Variants in MAOB observed in about 807,000 individuals in gnomAD.
MAOB encodes amine oxidase [flavin-containing] B.
A neutral mutation model predicts 41.9 loss-of-function variants in MAOB; 15 were observed. The observed-to-expected ratio is 0.36, with a 90% CI of 0.24 to 0.55. The LOEUF is 0.55. MAOB is among the 20% of genes least tolerant of loss of function. The probability of loss-of-function intolerance (pLI) is 0.86; values close to 1 mark genes in which losing one functional copy is unlikely to be tolerated. For missense variants in MAOB, 345 were observed against 398.7 expected, an observed-to-expected ratio of 0.87 and a Z score of 1.15; for synonymous variants, 167 against 144.2, an observed-to-expected ratio of 1.16 and a Z score of -1.13.
chrX:43,797,098 T>C, intron 6 of MAOB, 27 bp downstream of exon 6: 1 of 1,187,367 alleles, frequency 8.4e-7, no homozygotes, highest in Non-Finnish European at 1.1e-6. Flanking sequence ...GTTTTTCCAT[T>C]GGGACTGTGG....
At chrX:43,822,673 C>T (rs1027155524) in intron 3 of MAOB, among the ~76,000 whole-genome samples, 9 of 112,090 alleles carry the variant, frequency 8.0e-5, no homozygotes, top group African/African-American at 2.9e-4. Context: ...CAATTATTTT[C>T]AGGAGGAAAA....
chrX:43,865,179 A>T (rs531859002), intron 1 of MAOB, among the ~76,000 whole-genome samples: 2 of 112,427 alleles, frequency 1.8e-5, no homozygotes, highest in South Asian at 3.7e-4. Context: ...AAGATAAACA[A>T]ATTATGGCAC....
chrX:43,856,840 G>A (rs1051513460), intron 1 of MAOB, among the ~76,000 whole-genome samples: 9 of 108,388 alleles, frequency 8.3e-5, no homozygotes, highest in Non-Finnish European at 1.7e-4. Flanking sequence ...CCCCAAGGGT[G>A]ACAGAGACAG....
intron 5 of MAOB, among the ~76,000 whole-genome samples, chrX:43,801,720 T>A (rs1351168968): frequency 2.7e-5 from 3 of 113,004 alleles, no homozygotes; most frequent in African/African-American, 9.6e-5. Context: ...TTGTGACCTA[T>A]CTACACAAAG....
At chrX:43,850,658 C>T (rs2035243730) in intron 1 of MAOB, among the ~76,000 whole-genome samples, 2 of 111,981 alleles carry the variant, frequency 1.8e-5, no homozygotes, top group Non-Finnish European at 3.8e-5. Flanking sequence ...AAATAGACTC[C>T]AAGCCTTCTC....
intron 3 of MAOB, among the ~76,000 whole-genome samples, chrX:43,815,505 A>G (rs1037426083): frequency 2.7e-4 from 30 of 111,863 alleles, no homozygotes; most frequent in African/African-American, 9.4e-4. Context: ...ACAATATTAG[A>G]GATTATAAGA....
chrX:43,804,924 G>A (rs2034643413), intron 3 of MAOB, among the ~76,000 whole-genome samples: 1 of 111,879 alleles, frequency 8.9e-6, no homozygotes, highest in African/African-American at 3.2e-5. Flanking sequence ...AAAATTAACT[G>A]TCACCCTTCT....
chrX:43,843,584 TGAA>T, intron 2 of MAOB, 83 bp downstream of exon 2: 4 of 858,637 alleles, frequency 4.7e-6, no homozygotes, highest in Non-Finnish European at 6.5e-6. Flanking sequence ...CAAATGAAAT[TGAA>T]GACTTTTGGG....
At chrX:43,798,996 A>G (rs987139715) in intron 5 of MAOB, among the ~76,000 whole-genome samples, 1 of 111,869 alleles carries the variant, frequency 8.9e-6, no homozygotes, top group Non-Finnish European at 1.9e-5. Context: ...AATGTTTTCT[A>G]ATTAGTCAGC....
At chrX:43,789,303 C>T (rs3027447) in intron 8 of MAOB, among the ~76,000 whole-genome samples, 3,241 of 111,850 alleles carry the variant, frequency 0.029, 143 homozygotes, top group African/African-American at 0.099. Flanking sequence ...TAAGGATAAA[C>T]AATCTAAATT....
chrX:43,857,979 C>A (rs1398215696), intron 1 of MAOB, among the ~76,000 whole-genome samples: 1 of 111,805 alleles, frequency 8.9e-6, no homozygotes, highest in Non-Finnish European at 1.9e-5. Context: ...CAATTTAGAA[C>A]CTCTGATCTA....
chrX:43,803,889 A>G (rs924249005), intron 3 of MAOB, among the ~76,000 whole-genome samples: 3 of 111,177 alleles, frequency 2.7e-5, no homozygotes, highest in Non-Finnish European at 3.8e-5. Context: ...AGCTTTCCCA[A>G]GGACTCAGAT....
At chrX:43,777,770 A>G (rs551169094) in intron 11 of MAOB, among the ~76,000 whole-genome samples, 8 of 112,331 alleles carry the variant, frequency 7.1e-5, no homozygotes, top group African/African-American at 2.6e-4. Context: ...CTCACGCATT[A>G]ACTGCTCATT....
chrX:43,881,372 A>G (rs1254135421), intron 1 of MAOB, among the ~76,000 whole-genome samples: 2 of 113,167 alleles, frequency 1.8e-5, no homozygotes, highest in Non-Finnish European at 3.7e-5. Flanking sequence ...AGTACTAGGC[A>G]GCGTTAGGAG....
chrX:43,866,009 G>A (rs770287370), intron 1 of MAOB, among the ~76,000 whole-genome samples: 1 of 110,983 alleles, frequency 9.0e-6, no homozygotes, highest in African/African-American at 3.3e-5. Flanking sequence ...AAGTGGATCA[G>A]TGTAGCTACA....
intron 3 of MAOB, among the ~76,000 whole-genome samples, chrX:43,829,732 G>C (rs1430632656): frequency 1.8e-5 from 2 of 112,293 alleles, no homozygotes; most frequent in East Asian, 5.6e-4. Context: ...AATAAAGGAA[G>C]TTAATTTGCG....
At chrX:43,775,546 T>C (rs1345811526) in intron 11 of MAOB, among the ~76,000 whole-genome samples, 2 of 112,120 alleles carry the variant, frequency 1.8e-5, no homozygotes, top group Non-Finnish European at 3.8e-5. Flanking sequence ...ATTCCATTTT[T>C]ACCTTGGTTT....
At chrX:43,795,347 C>A (rs2034513849) in intron 7 of MAOB, among the ~76,000 whole-genome samples, 1 of 112,325 alleles carries the variant, frequency 8.9e-6, no homozygotes, top group Non-Finnish European at 1.9e-5. Flanking sequence ...GGGCATGGAG[C>A]TTTCATGCCC....
rs757628477 is a variant in MAOB, at chrX:43,797,120, G to A, written c.618+5C>T. 1.7e-6 allele frequency: 2 copies of A among 1,199,908 alleles called. No individual in the cohort carries two copies. Among genetic ancestry groups the A allele is most frequent in the Non-Finnish European group, 2.2e-6 (2 of 889,608 alleles). On this transcript the variant is annotated splice_donor_5th_base_variant and intron_variant, in intron 6 of 14. Coordinates refer to ENST00000378069, the MANE Select transcript of MAOB (RefSeq NM_000898.5). ...CATTGGGACTGTGGAAGAATGGATG[G>A]GTACCTGTCCTCCATTTGTTGTCGA...
Sources: gnomAD v4.1 joint callset for allele counts (sites outside exome capture counted in the v4.1 genomes callset) on GRCh38, gnomAD v4.1.1 for gene constraint, MANE v1.5 for transcripts, NCBI Gene and HGNC (gene_info 2026-07-23, HGNC 2026-07-21) for gene names.